The following NKAP variants were observed in gnomAD, a reference collection of about 807,000 sequenced individuals.
NKAP encodes the protein NF-kappa-B-activating protein.
NKAP carries 4 observed loss-of-function variants against 35.6 expected under a neutral mutation model. The ratio of observed to expected loss-of-function variants is 0.11; its 90% CI spans 0.06 to 0.26. The LOEUF (loss-of-function observed/expected upper bound fraction) is 0.26. Among genes scored for constraint, NKAP ranks in the 10% least tolerant of loss-of-function variants. The pLI, the probability that NKAP is intolerant of heterozygous loss-of-function variation, is 1.00. For synonymous variants in NKAP, 106 were observed against 119.2 expected, an observed-to-expected ratio of 0.89 and a Z score of 0.72; for missense variants, 238 against 321.9, an observed-to-expected ratio of 0.74 and a Z score of 1.99.
chrX:119,940,750 T>C (rs868075199), intron 1 of NKAP, among the ~76,000 whole-genome samples: 2 of 112,142 alleles, frequency 1.8e-5, no homozygotes, highest in Non-Finnish European at 1.9e-5. Context: ...TAACAGACAA[T>C]TTAAAAGGTA....
intron 4 of NKAP, among the ~76,000 whole-genome samples, 177 bp downstream of exon 4, chrX:119,936,120 G>C (rs2056764756): frequency 8.9e-6 from 1 of 112,070 alleles, no homozygotes; most frequent in Admixed American, 9.5e-5. Context: ...GTTATTGTAT[G>C]GATTAAATGG....
intron 4 of NKAP, 79 bp from the exon 5 acceptor site, chrX:119,934,636 C>A: frequency 1.6e-6 from 1 of 628,055 alleles, no homozygotes. Context: ...AGGTAACTAT[C>A]CTATTGCTGT....
chrX:119,941,039 T>C (rs1185199739), intron 1 of NKAP, among the ~76,000 whole-genome samples: 1 of 108,898 alleles, frequency 9.2e-6, no homozygotes, highest in East Asian at 2.8e-4. Flanking sequence ...ATTCAGGAGA[T>C]TGAGGCAGAA....
rs2056743306 is a variant in NKAP at position 119,931,919 on chromosome X, A to C, written c.923+17T>G. ...TTTGGTAGGTACTTTAGATATTATAAACACACTGCTGCTTACTTCAAAGGT... is the reference window on the plus strand; with the variant it reads ...TTTGGTAGGTACTTTAGATATTATACACACACTGCTGCTTACTTCAAAGGT... On this transcript the variant is annotated intron_variant, in intron 7 of 8. Transcript: ENST00000371410. 5.2e-6 allele frequency: 6 copies of C among 1,150,630 alleles called. No homozygotes were observed. Among genetic ancestry groups the C allele is most frequent in the Non-Finnish European group, 7.0e-6 (6 of 853,635 alleles). The allele number at this position is 1,150,630 out of a possible 1,213,427, so 94.8% of individuals were successfully genotyped here.
At chrX:119,941,667 C>G (rs1311301554) in intron 1 of NKAP, among the ~76,000 whole-genome samples, 1 of 111,226 alleles carries the variant, frequency 9.0e-6, no homozygotes, top group Non-Finnish European at 1.9e-5. Flanking sequence ...CCTCTGTCAC[C>G]CAAGCTGGAG....
intron 1 of NKAP, among the ~76,000 whole-genome samples, chrX:119,940,860 T>C (rs1212903606): frequency 8.9e-6 from 1 of 112,051 alleles, no homozygotes; most frequent in African/African-American, 3.2e-5. Context: ...GTTTCATCTG[T>C]AATGTTAAGA....
rs773255447 is a variant in NKAP, at chrX:119,943,554, C to A, written c.52G>T (p.Gly18Trp). ...RSPDREASGS[G>W]GRRRSSSKSP... The stretch of plus-strand genomic sequence containing the variant: ...TTCGACGAACTGCGACGTCTTCCCC[C>A]CGAGCCCGAGGCCTCCCTATCCGGG... Residue 18 changes from glycine to tryptophan, a missense_variant, in exon 1 of 9, where the codon GGG becomes TGG. Physicochemically the swap from Gly to Trp is radical, Grantham distance 184. Coordinates refer to ENST00000371410, the MANE Select transcript of NKAP (RefSeq NM_024528.4). 6 of 1,201,103 alleles carry A rather than the reference C, an allele frequency of 5.0e-6. No individual in the cohort carries two copies. The African/African-American group carries it at 7.0e-5, about 14-fold the overall frequency.
Position 119,934,541 on chromosome X carries a change from C to T in NKAP, c.690G>A (p.Arg230=). ...CCTTTTTCTTGGCTTTCTTTGCTCT[C>T]CTTTTGTTATCTTCATCTGCAAATT... ...ETDSSDEDNK[R]RAKKAKKKEK... Residue 230 remains arginine, a synonymous_variant, in exon 5 of 9, where the codon AGG becomes AGA. Coordinates refer to ENST00000371410, the MANE Select transcript of NKAP (RefSeq NM_024528.4). 8.6e-7 allele frequency: 1 copy of T among 1,156,960 alleles called. No homozygotes were observed. Among genetic ancestry groups the T allele is most frequent in the Non-Finnish European group, 1.1e-6 (1 of 872,529 alleles).
chrX:119,921,576 T>C lies in NKAP; in HGVS notation c.*3644A>G, dbSNP rs920536987. 1 of 107,383 alleles carries C rather than the reference T, an allele frequency of 9.3e-6. No homozygotes were observed. The highest frequency in any genetic ancestry group is 3.4e-5 in the African/African-American group (1 of 29,597). 8.8% of individuals were successfully genotyped at this position (107,383 alleles called of 1,213,427 possible). A position where few individuals can be genotyped will look rare whatever the true frequency, so the allele number is the denominator to read the frequency against. ...AAATATATTTAAAATACAATAGCCC[T>C]ACTACAACTGATTTATGGCTCAGGT... On this transcript the variant is annotated 3_prime_UTR_variant, in exon 9 of 9. Coordinates refer to ENST00000371410, the MANE Select transcript of NKAP (RefSeq NM_024528.4).
chrX:119,934,892 C>A (rs1287405671), intron 4 of NKAP, among the ~76,000 whole-genome samples: 2 of 111,344 alleles, frequency 1.8e-5, no homozygotes, highest in East Asian at 5.6e-4. Flanking sequence ...TTGACTATCT[C>A]AGTGAAAAAC....
intron 8 of NKAP, among the ~76,000 whole-genome samples, chrX:119,925,929 CTTTTTTT>C (rs1305744041): frequency 4.3e-5 from 2 of 46,436 alleles, no homozygotes; most frequent in Non-Finnish European, 7.9e-5. Flanking sequence ...ATCCTTTTTT[CTTTTTTT>C]TTTTTTTTTA....
chrX:119,929,769 AG>A (rs2056731816), intron 8 of NKAP, among the ~76,000 whole-genome samples: 1 of 112,186 alleles, frequency 8.9e-6, no homozygotes, highest in African/African-American at 3.2e-5. Context: ...CAACTAGGAA[AG>A]GACATTAGGA....
rs147519765 is a variant in NKAP at position 119,932,207 on chromosome X, A to G, written c.747T>C (p.Tyr249=). ...TGCTCTTCTTAGACCTCTTTTTCTT[A>G]TATTTCTTCCTATAGGGATTTTAAT... is the stretch of plus-strand genomic sequence containing the variant. ...EKKKKHRSKK[Y]KKKRSKKSRK... The change falls in exon 6 of 9, where the codon TAT becomes TAC. Residue 249 remains tyrosine, a synonymous_variant. Coordinates refer to ENST00000371410, the MANE Select transcript of NKAP (RefSeq NM_024528.4). 81 of 1,171,158 alleles carry G rather than the reference A, an allele frequency of 6.9e-5. No homozygotes were observed. Among genetic ancestry groups the G allele is most frequent in the Non-Finnish European group, 8.9e-5 (77 of 866,034 alleles).
intron 5 of NKAP, among the ~76,000 whole-genome samples, chrX:119,933,402 G>C (rs2056751060): frequency 9.0e-6 from 1 of 111,566 alleles, no homozygotes; most frequent in African/African-American, 3.3e-5. Flanking sequence ...ATGACAAAAA[G>C]TGACAACCAG....
Position 119,925,015 on chromosome X carries a change from A to G in NKAP, c.*205T>C, listed in dbSNP as rs754777819. ...ATTTGGATTTTTAAACCAGAAAGTT[A>G]CTATGGTCAATCCAAAATAACCCAA... On this transcript the variant is annotated 3_prime_UTR_variant, in exon 9 of 9. Coordinates refer to ENST00000371410, the MANE Select transcript of NKAP (RefSeq NM_024528.4). The G allele has an allele frequency of 6.9e-6, 3 of 437,369 alleles. No homozygotes were observed. Among genetic ancestry groups the G allele is most frequent in the African/African-American group, 2.5e-5 (1 of 40,306 alleles). The allele number at this position is 437,369 out of a possible 1,213,427, so 36.0% of individuals were successfully genotyped here.
chrX:119,930,590 G>A (rs758071968), intron 7 of NKAP, among the ~76,000 whole-genome samples: 55 of 111,264 alleles, frequency 4.9e-4, no homozygotes, highest in Non-Finnish European at 9.4e-4. Context: ...AGGCTGAGGC[G>A]GGAGGATCAC....
At chrX:119,931,836 A>C (rs2056742815) in intron 7 of NKAP, 100 bp downstream of exon 7, 1 of 643,284 alleles carries the variant, frequency 1.6e-6, no homozygotes, top group Non-Finnish European at 2.5e-6. Context: ...TGGAACCTGG[A>C]GTAGAAATAA....
intron 1 of NKAP, among the ~76,000 whole-genome samples, chrX:119,940,450 G>A (rs2056787835): frequency 1.9e-5 from 2 of 105,520 alleles, no homozygotes; most frequent in Admixed American, 1.0e-4. Flanking sequence ...AGTGCATTTT[G>A]TATCTATTCT....
intron 8 of NKAP, among the ~76,000 whole-genome samples, chrX:119,928,972 T>C (rs1300203870): frequency 3.6e-5 from 4 of 110,686 alleles, no homozygotes; most frequent in South Asian, 3.8e-4. Flanking sequence ...TCTTGGCTCA[T>C]TGCAACCTCC....
Sources: gnomAD v4.1 joint callset for allele counts (sites outside exome capture counted in the v4.1 genomes callset) on GRCh38, gnomAD v4.1.1 for gene constraint, MANE v1.5 for transcripts, NCBI Gene and HGNC (gene_info 2026-07-23, HGNC 2026-07-21) for gene names.